SLC39A12: variants seen among roughly 807,000 people sequenced by gnomAD.
The protein encoded by SLC39A12 is zinc transporter ZIP12.
Under a neutral mutation model 71.1 loss-of-function variants are expected in SLC39A12, and 63 were observed. That is an observed-to-expected ratio of 0.89 (90% CI 0.72 to 1.09). The LOEUF (loss-of-function observed/expected upper bound fraction) is 1.09, where lower values mean the gene tolerates loss of function less well. SLC39A12 is among the 50% of genes least tolerant of loss of function. SLC39A12 has a pLI of 0.00. For missense variants in SLC39A12, 892 were observed against 812.6 expected (o/e 1.10, Z -1.19); for synonymous variants, 351 against 301.3 (o/e 1.16, Z -1.71).
At chr10:18,023,922 C>T (rs769902468) in intron 12 of SLC39A12, among the ~76,000 whole-genome samples, 9 of 152,148 alleles carry the variant, frequency 5.9e-5, no homozygotes, top group Non-Finnish European at 7.4e-5. Context: ...GGAAGTCTGG[C>T]CACTTTTCCA....
intron 12 of SLC39A12, among the ~76,000 whole-genome samples, chr10:18,042,458 C>G (rs542843333): frequency 3.2e-5 from 1 of 30,784 alleles, no homozygotes; most frequent in African/African-American, 1.6e-4. Context: ...GACCCTGCCT[C>G]AAAAGAAAAA....
chr10:17,985,061 A>C (rs1225082991), intron 6 of SLC39A12, among the ~76,000 whole-genome samples: 1 of 152,164 alleles, frequency 6.6e-6, no homozygotes, highest in Admixed American at 6.5e-5. Flanking sequence ...AAAATGATCT[A>C]GTCTGGGCAT....
chr10:18,034,958 G>A (rs1836957480), intron 12 of SLC39A12, among the ~76,000 whole-genome samples: 1 of 151,894 alleles, frequency 6.6e-6, no homozygotes, highest in Admixed American at 6.6e-5. Context: ...TTGTCTTTAA[G>A]AATGTTGAAT....
chr10:18,033,118 G>C (rs1386713822), intron 12 of SLC39A12, among the ~76,000 whole-genome samples: 1 of 141,512 alleles, frequency 7.1e-6, no homozygotes, highest in Non-Finnish European at 1.5e-5. Flanking sequence ...TCTCTTTTTT[G>C]GTTGTGTCTC....
intron 12 of SLC39A12, among the ~76,000 whole-genome samples, chr10:18,008,257 GC>G (rs1344338225): frequency 1.3e-5 from 2 of 152,158 alleles, no homozygotes; most frequent in African/African-American, 4.8e-5. Flanking sequence ...TGTCAGATCA[GC>G]GGGGGCATTA....
chr10:18,002,728 A>G (rs1835871809), intron 11 of SLC39A12: 1 of 152,786 alleles, frequency 6.5e-6, no homozygotes, highest in Non-Finnish European at 1.5e-5. Flanking sequence ...TAAAAATCTC[A>G]TATTAAGTAG....
intron 12 of SLC39A12, among the ~76,000 whole-genome samples, chr10:18,029,074 T>C (rs1247850803): frequency 6.6e-6 from 1 of 151,660 alleles, no homozygotes; most frequent in African/African-American, 2.4e-5. Flanking sequence ...AGTTTCACCA[T>C]GTTAGCCAGG....
At chr10:18,031,047 T>C (rs1836833727) in intron 12 of SLC39A12, among the ~76,000 whole-genome samples, 1 of 150,750 alleles carries the variant, frequency 6.6e-6, no homozygotes, top group Non-Finnish European at 1.5e-5. Flanking sequence ...CAGTCTGTCA[T>C]TGTTGGACAT....
At chr10:18,036,640 G>A (rs181377769) in intron 12 of SLC39A12, among the ~76,000 whole-genome samples, 1 of 151,130 alleles carries the variant, frequency 6.6e-6, no homozygotes, top group African/African-American at 2.4e-5. Flanking sequence ...CTGTAGACCG[G>A]AGCTGTTCCT....
chr10:18,038,196 G>T (rs1355629058), intron 12 of SLC39A12, among the ~76,000 whole-genome samples: 1 of 151,606 alleles, frequency 6.6e-6, no homozygotes, highest in African/African-American at 2.4e-5. Context: ...GTGTTTTCTG[G>T]TGGATAATGC....
At chr10:18,023,873 C>T (rs1836603065) in intron 12 of SLC39A12, among the ~76,000 whole-genome samples, 1 of 152,130 alleles carries the variant, frequency 6.6e-6, no homozygotes, top group Non-Finnish European at 1.5e-5. Context: ...GGTCAGGAGG[C>T]ACTGCTCAGT....
chr10:17,985,129 G>T (rs1038006145), intron 6 of SLC39A12, among the ~76,000 whole-genome samples: 2 of 152,122 alleles, frequency 1.3e-5, no homozygotes, highest in African/African-American at 4.8e-5. Context: ...GATCATTTGA[G>T]GTCAGGAGTT....
At chr10:17,992,619 T>C (rs1835583035) in intron 8 of SLC39A12, among the ~76,000 whole-genome samples, 7 of 152,156 alleles carry the variant, frequency 4.6e-5, no homozygotes, top group Admixed American at 4.6e-4. Context: ...GAAAACTAAA[T>C]TAGAAAGCCA....
At chr10:17,983,370 C>T (rs1295345327) in intron 6 of SLC39A12, among the ~76,000 whole-genome samples, 2 of 151,930 alleles carry the variant, frequency 1.3e-5, no homozygotes, top group Admixed American at 6.6e-5. Flanking sequence ...TACCTGTGGT[C>T]TCAGATACTT....
At chr10:17,998,837 A>G (rs1835754310) in intron 10 of SLC39A12, among the ~76,000 whole-genome samples, 1 of 152,244 alleles carries the variant, frequency 6.6e-6, no homozygotes, top group Non-Finnish European at 1.5e-5. Flanking sequence ...CCCAAATAAG[A>G]TGGCAAACCA....
chr10:17,997,784 AAG>A (rs1160780008), intron 10 of SLC39A12, among the ~76,000 whole-genome samples: 2 of 152,202 alleles, frequency 1.3e-5, no homozygotes, highest in Non-Finnish European at 2.9e-5. Context: ...TTTCAAAGAC[AAG>A]ATGCAAAAAT....
chr10:18,007,746 G>A (rs1450165017), intron 12 of SLC39A12, among the ~76,000 whole-genome samples: 1 of 152,194 alleles, frequency 6.6e-6, no homozygotes, highest in Non-Finnish European at 1.5e-5. Context: ...GCACTGGTGG[G>A]AGTGTAGCAG....
intron 4 of SLC39A12, among the ~76,000 whole-genome samples, chr10:17,970,674 T>G (rs1376659716): frequency 6.9e-6 from 1 of 145,422 alleles, no homozygotes; most frequent in African/African-American, 2.5e-5. Context: ...TTCTAATAGT[T>G]TGTGTGTGTG....
chr10:18,017,758 A>G (rs539738825), intron 12 of SLC39A12, among the ~76,000 whole-genome samples: 1 of 152,318 alleles, frequency 6.6e-6, no homozygotes, highest in Admixed American at 6.5e-5. Context: ...TCTTTTAGCA[A>G]CACAGCAGTG....
Sources: allele counts gnomAD v4.1 joint callset (sites outside exome capture counted in the v4.1 genomes callset), GRCh38; gene constraint gnomAD v4.1.1; transcripts MANE v1.5; gene names NCBI Gene and HGNC (gene_info 2026-07-23, HGNC 2026-07-21).